HECW2: variants seen among roughly 807,000 people sequenced by gnomAD.
HECW2 encodes E3 ubiquitin-protein ligase HECW2.
A neutral mutation model predicts 175.2 loss-of-function variants in HECW2; 61 were observed. The ratio of observed to expected loss-of-function variants is 0.35; its 90% CI spans 0.28 to 0.43. HECW2 has a LOEUF of 0.43. Among genes scored for constraint, HECW2 ranks in the 20% least tolerant of loss-of-function variants. The pLI, the probability that HECW2 is intolerant of heterozygous loss-of-function variation, is 1.00. For missense variants in HECW2, 1,524 were observed against 2,000.5 expected (o/e 0.76, Z 4.54); for synonymous variants, 671 against 731.0 (o/e 0.92, Z 1.32).
chr2:196,414,889 TG>T (rs1362765606), intron 2 of HECW2, among the ~76,000 whole-genome samples: 1 of 152,166 alleles, frequency 6.6e-6, no homozygotes, highest in Admixed American at 6.5e-5. Flanking sequence ...TCTTCAGGTG[TG>T]GGTCGGATAT....
At chr2:196,541,167 T>C (rs1689199279) in intron 1 of HECW2, among the ~76,000 whole-genome samples, 1 of 152,114 alleles carries the variant, frequency 6.6e-6, no homozygotes, top group African/African-American at 2.4e-5. Context: ...CCTGTGCACC[T>C]CTGTACCTAT....
chr2:196,437,937 G>C (rs1316315311), intron 1 of HECW2, among the ~76,000 whole-genome samples: 2 of 152,124 alleles, frequency 1.3e-5, no homozygotes, highest in Non-Finnish European at 2.9e-5. Context: ...AAGAATCCAG[G>C]CTCTTCCTCA....
At chr2:196,360,322 A>G (rs1446967037) in intron 2 of HECW2, among the ~76,000 whole-genome samples, 1 of 152,238 alleles carries the variant, frequency 6.6e-6, no homozygotes, top group Non-Finnish European at 1.5e-5. Context: ...CAAATGGGAT[A>G]AAGAAAATGT....
intron 1 of HECW2, among the ~76,000 whole-genome samples, chr2:196,521,717 G>C (rs552012703): frequency 6.8e-6 from 1 of 146,810 alleles, no homozygotes. Context: ...CCACCTATGA[G>C]TGAGAATATG....
rs1687800847 is a variant in HECW2 at position 196,225,060 on chromosome 2, A to AT, written c.4016+711dup. ...ACAGAGCCAAGTGATAATTCAGTGC[A>AT]TTCTCATCGCAAATTTGAGCTACTA... On this transcript the variant is annotated intron_variant, in intron 23 of 28. Transcript: ENST00000644978. Among the ~76,000 whole-genome samples the AT allele has an allele frequency of 2.0e-5, 3 of 152,238 alleles. No individual in the cohort carries two copies. The South Asian group carries it at 6.2e-4, about 31-fold the overall frequency.
chr2:196,322,403 G>C, intron 7 of HECW2, 75 bp downstream of exon 7: 1 of 1,262,710 alleles, frequency 7.9e-7, no homozygotes, highest in Middle Eastern at 1.9e-4. Flanking sequence ...AAAGTCCTAG[G>C]ACTACCAAGT....
At chr2:196,518,654 CAAAAAAA>C (rs747681637) in intron 1 of HECW2, among the ~76,000 whole-genome samples, 18,339 of 77,702 alleles carry the variant, frequency 0.24, 2,260 homozygotes, top group African/African-American at 0.44. Context: ...GATTCTGTCT[CAAAAAAA>C]AAAAAAAAAA....
intron 2 of HECW2, among the ~76,000 whole-genome samples, chr2:196,349,577 T>C (rs1693097544): frequency 6.6e-6 from 1 of 152,098 alleles, no homozygotes; most frequent in Admixed American, 6.5e-5. Flanking sequence ...CCCAAAGTAC[T>C]GGGATTACAG....
chr2:196,389,322 T>A (rs144534791), intron 2 of HECW2, among the ~76,000 whole-genome samples: 150 of 152,292 alleles, frequency 9.8e-4, no homozygotes, highest in African/African-American at 3.5e-3. Context: ...ATTTCCTTAG[T>A]GCAGCATTTT....
chr2:196,416,151 A>C (rs960778592), intron 2 of HECW2, among the ~76,000 whole-genome samples: 1 of 152,234 alleles, frequency 6.6e-6, no homozygotes, highest in African/African-American at 2.4e-5. Context: ...GAAAACAATA[A>C]ATTACATCAG....
At chr2:196,400,562 GA>G (rs1386202967) in intron 2 of HECW2, among the ~76,000 whole-genome samples, 1 of 152,122 alleles carries the variant, frequency 6.6e-6, no homozygotes, top group Non-Finnish European at 1.5e-5. Context: ...ATATGCACAG[GA>G]AATTTTGTTG....
At chr2:196,216,950 T>C (rs538122129) in intron 27 of HECW2, 58 bp downstream of exon 27, 1 of 1,180,288 alleles carries the variant, frequency 8.5e-7, no homozygotes. Flanking sequence ...ATTAAAAACA[T>C]ACACTTCCAA....
chr2:196,540,203 G>A (rs955752166), intron 1 of HECW2, among the ~76,000 whole-genome samples: 1 of 151,856 alleles, frequency 6.6e-6, no homozygotes, highest in Non-Finnish European at 1.5e-5. Context: ...CAATTTTTGG[G>A]GGAAAAAAGA....
rs376454628 is a variant in HECW2, at chr2:196,420,691, T to A, written c.292+12441A>T. 4.8e-4 allele frequency among the ~76,000 whole-genome samples: 73 copies of A among 152,352 alleles called. 1 individual carries two copies. The highest frequency in any genetic ancestry group is 1.7e-3 in the African/African-American group (69 of 41,600). On this transcript the variant is annotated intron_variant, in intron 2 of 28. Coordinates refer to ENST00000644978, the MANE Select transcript of HECW2 (RefSeq NM_001348768.2). ...ACATTTTTTGTATGTATGTGTTCTA[T>A]AAGAAAATCAAGCCCAGTTGTACTC... is the stretch of plus-strand genomic sequence containing the variant.
At chr2:196,520,031 AC>A (rs1688298953) in intron 1 of HECW2, among the ~76,000 whole-genome samples, 2 of 152,226 alleles carry the variant, frequency 1.3e-5, no homozygotes, top group South Asian at 4.1e-4. Context: ...TGAACATGAT[AC>A]AAAACTCTAG....
chr2:196,521,273 C>T (rs1364431833), intron 1 of HECW2, among the ~76,000 whole-genome samples: 3 of 84,746 alleles, frequency 3.5e-5, no homozygotes, highest in South Asian at 7.4e-4. Flanking sequence ...CACTAGGAAA[C>T]GTGAGTAACA....
intron 1 of HECW2, among the ~76,000 whole-genome samples, chr2:196,464,857 AC>A (rs2125335036): frequency 6.6e-6 from 1 of 152,302 alleles, no homozygotes; most frequent in East Asian, 1.9e-4. Context: ...CTGGCCTAAC[AC>A]AGTGAAACCC....
intron 3 of HECW2, among the ~76,000 whole-genome samples, chr2:196,342,684 T>C (rs1692800788): frequency 6.6e-6 from 1 of 152,140 alleles, no homozygotes; most frequent in African/African-American, 2.4e-5. Context: ...ATAGTTGAGT[T>C]ATCTGCAGCC....
chr2:196,343,432 C>T (rs1246603548), intron 3 of HECW2, among the ~76,000 whole-genome samples: 1 of 151,972 alleles, frequency 6.6e-6, no homozygotes, highest in African/African-American at 2.4e-5. Flanking sequence ...GTGTGAAATC[C>T]ACGGATATGG....
Sources: gnomAD v4.1 joint callset for allele counts (sites outside exome capture counted in the v4.1 genomes callset) on GRCh38, gnomAD v4.1.1 for gene constraint, MANE v1.5 for transcripts, NCBI Gene and HGNC (gene_info 2026-07-23, HGNC 2026-07-21) for gene names.